The following LPIN1 variants were observed in gnomAD, a reference collection of about 807,000 sequenced individuals.
LPIN1 encodes phosphatidate phosphatase LPIN1.
LPIN1 carries 71 observed loss-of-function variants against 107.5 expected under a neutral mutation model. That is an observed-to-expected ratio of 0.66 (90% CI 0.55 to 0.80). The LOEUF is 0.80. Ranked by LOEUF, LPIN1 falls within the 30% of genes least tolerant of loss-of-function variation. The pLI, the probability that LPIN1 is intolerant of heterozygous loss-of-function variation, is 0.00. For synonymous variants in LPIN1, 445 were observed against 452.6 expected, an observed-to-expected ratio of 0.98 and a Z score of 0.21; for missense variants, 1,043 against 1,160.6, an observed-to-expected ratio of 0.90 and a Z score of 1.47.
intron 1 of LPIN1, among the ~76,000 whole-genome samples, chr2:11,709,406 C>T (rs1179106849): frequency 1.3e-5 from 2 of 152,196 alleles, no homozygotes; most frequent in African/African-American, 4.8e-5. Flanking sequence ...CGATGCCTTG[C>T]AACAAGTTAG....
intron 17 of LPIN1, among the ~76,000 whole-genome samples, chr2:11,810,775 C>T (rs762875638): frequency 2.0e-5 from 3 of 152,224 alleles, no homozygotes; most frequent in Non-Finnish European, 4.4e-5. Flanking sequence ...CCCCAACAGA[C>T]ACTCCTCCAA....
At position 11,733,499 on chromosome 2, in the gene LPIN1, C is replaced by CT. The variant is rs111274553; in HGVS notation, c.-71-7836dup. ...GTGTTTTCTTTCTCTCTCTCTCTCT[C>CT]TTTTTTTTTTTTTTGACAAAGTCTT... On this transcript the variant is annotated intron_variant, in intron 1 of 21. Coordinates refer to the LPIN1 transcript ENST00000396097. Among the ~76,000 whole-genome samples the CT allele has an allele frequency of 2.4e-3, 343 of 143,356 alleles. 2 individuals carry two copies. Among genetic ancestry groups the CT allele is most frequent in the South Asian group, 6.8e-3 (31 of 4,552 alleles). The allele number at this position is 143,356 out of a possible 152,430, so 94.0% of individuals were successfully genotyped here.
At chr2:11,734,205 C>G (rs1215264953) in intron 1 of LPIN1, among the ~76,000 whole-genome samples, 113 of 152,242 alleles carry the variant, frequency 7.4e-4, no homozygotes, top group African/African-American at 2.6e-3. Flanking sequence ...AACTTTTCTT[C>G]TGTCCTCACT....
chr2:11,771,815 A>T lies in LPIN1; in HGVS notation c.596+136A>T. ...ACCAGTGGTCCCCAACCTTTTTGGC[A>T]CTAGGGACCAGTTTTGTGGAAGACA... On this transcript the variant is annotated intron_variant, in intron 4 of 20. Transcript: ENST00000674199. This position sits in a 1 kb window ranked among gnomAD's most constrained non-coding sequence, Gnocchi z 4.8. The T allele has an allele frequency of 1.1e-6, 1 of 883,942 alleles. No homozygotes were observed. Among genetic ancestry groups the T allele is most frequent in the Non-Finnish European group, 1.7e-6 (1 of 578,062 alleles). 54.8% of individuals were successfully genotyped at this position (883,942 alleles called of 1,614,324 possible). A position where few individuals can be genotyped will look rare whatever the true frequency, so the allele number is the denominator to read the frequency against.
chr2:11,764,157 T>G (rs1426021646), intron 1 of LPIN1: 2 of 147,486 alleles, frequency 1.4e-5, no homozygotes, highest in Non-Finnish European at 3.0e-5. Context: ...TGACATGCAT[T>G]TATATATGTC....
chr2:11,779,493 A>G, intron 6 of LPIN1, 26 bp from the exon 7 acceptor site: 1 of 1,611,846 alleles, frequency 6.2e-7, no homozygotes, highest in Admixed American at 1.7e-5. Context: ...TTCCCACCTT[A>G]ATTTTCGCTT....
intron 1 of LPIN1, among the ~76,000 whole-genome samples, chr2:11,738,423 C>G (rs73183109): frequency 0.036 from 5,380 of 151,178 alleles, 323 homozygotes; most frequent in African/African-American, 0.12. Flanking sequence ...GGGAGGGTGT[C>G]AGTCTCCCCT....
At chr2:11,745,597 C>A (rs1403097592), upstream of LPIN1, among the ~76,000 whole-genome samples, 1 of 152,194 alleles carries the variant, frequency 6.6e-6, no homozygotes, top group Non-Finnish European at 1.5e-5. Flanking sequence ...GTGGTCCCAG[C>A]TACTTGAGAG....
chr2:11,749,144 G>A (rs1667411206), intron 1 of LPIN1, among the ~76,000 whole-genome samples: 1 of 152,216 alleles, frequency 6.6e-6, no homozygotes, highest in South Asian at 2.1e-4. Flanking sequence ...GGAAAAAAGA[G>A]TTGGGACAAA....
chr2:11,732,346 A>C (rs1665319732), intron 1 of LPIN1, among the ~76,000 whole-genome samples: 1 of 152,230 alleles, frequency 6.6e-6, no homozygotes, highest in African/African-American at 2.4e-5. Context: ...ATCCAAGTTC[A>C]TGCTTCTGCT....
At position 11,826,708 on chromosome 2, in the gene LPIN1, CT is replaced by C. The variant is rs879107530; in HGVS notation, c.*1920del. ...GTTTCTCCTTTGCACCCAGGAGGAA[CT>C]TTGGCTGCGAGAATGGGGGGATGTA... On this transcript the variant is annotated 3_prime_UTR_variant, in exon 21 of 21. Coordinates refer to ENST00000674199, the MANE Select transcript of LPIN1 (RefSeq NM_001349206.2). 2.0e-5 allele frequency: 3 copies of C among 152,252 alleles called. No individual in the cohort carries two copies. In the South Asian group the frequency reaches 6.2e-4, roughly 32 times the overall value. The allele number at this position is 152,252 out of a possible 1,614,324, so 9.4% of individuals were successfully genotyped here. A position where few individuals can be genotyped will look rare whatever the true frequency, so the allele number is the denominator to read the frequency against.
In LPIN1 at chr2:11,746,633, T is replaced by C. The variant is rs1400621800; in HGVS notation, c.-48T>C. 2.0e-6 allele frequency: 2 copies of C among 985,284 alleles called. No individual in the cohort carries two copies. The highest frequency in any genetic ancestry group is 1.7e-5 in the African/African-American group (1 of 57,306). 61.0% of individuals were successfully genotyped at this position (985,284 alleles called of 1,614,324 possible). On this transcript the variant is annotated 5_prime_UTR_variant, in exon 1 of 21. Coordinates refer to ENST00000674199, the MANE Select transcript of LPIN1 (RefSeq NM_001349206.2). ...CGCTGACAGCCGGCGGCGGGCTGGG[T>C]GTTTGCAATACAAAGGCGGCCACGC...
intron 7 of LPIN1, among the ~76,000 whole-genome samples, chr2:11,780,468 A>G (rs1333464531): frequency 6.6e-6 from 1 of 152,214 alleles, no homozygotes; most frequent in African/African-American, 2.4e-5. Context: ...CAGAAATGAA[A>G]GATTTCAGCC....
intron 1 of LPIN1, among the ~76,000 whole-genome samples, chr2:11,747,331 T>G (rs1022098432): frequency 1.3e-5 from 2 of 152,212 alleles, no homozygotes; most frequent in Non-Finnish European, 2.9e-5. Context: ...TGCACGTAAT[T>G]TTATTATGGG....
chr2:11,757,016 T>C (rs2148593366), intron 1 of LPIN1, among the ~76,000 whole-genome samples: 1 of 152,356 alleles, frequency 6.6e-6, no homozygotes, highest in East Asian at 1.9e-4. Context: ...CCAAAGGATA[T>C]TTGTAAGATT....
intron 1 of LPIN1, among the ~76,000 whole-genome samples, chr2:11,736,286 A>C (rs1320482381): frequency 6.6e-6 from 1 of 152,136 alleles, no homozygotes; most frequent in Non-Finnish European, 1.5e-5. Context: ...AAAGACAGAA[A>C]TTTCTATCTC....
At chr2:11,751,640 CAGGAGATCAAG>C (rs954111680) in intron 1 of LPIN1, among the ~76,000 whole-genome samples, 1 of 152,168 alleles carries the variant, frequency 6.6e-6, no homozygotes, top group African/African-American at 2.4e-5. Context: ...ATTACGAGGT[CAGGAGATCAAG>C]ACCATCCTGG....
At chr2:11,755,427 C>G (rs1432766965) in intron 1 of LPIN1, among the ~76,000 whole-genome samples, 1 of 152,158 alleles carries the variant, frequency 6.6e-6, no homozygotes, top group East Asian at 1.9e-4. Context: ...TGCGATGGGG[C>G]AGGTACCGCG....
At position 11,715,653 on chromosome 2, in the gene LPIN1, G is replaced by C. The variant is rs534696028; in HGVS notation, c.138+1841G>C. On this transcript the variant is annotated intron_variant, in intron 2 of 21. Transcript: ENST00000449576. Reference sequence around the variant, plus strand: ...AGGGCTTGTATCAGCTTGTGTGGGTGGGGGGTTCAGAAGCAATTTCAGAAA... The same window carrying C: ...AGGGCTTGTATCAGCTTGTGTGGGTCGGGGGTTCAGAAGCAATTTCAGAAA... Among the ~76,000 whole-genome samples the C allele has an allele frequency of 2.0e-5, 3 of 152,274 alleles. No individual in the cohort carries two copies. In the East Asian group the frequency reaches 5.8e-4, roughly 29 times the overall value.
Sources: allele counts gnomAD v4.1 joint callset (sites outside exome capture counted in the v4.1 genomes callset), GRCh38; gene constraint gnomAD v4.1.1; non-coding constraint Gnocchi (gnomAD v3.1); transcripts MANE v1.5; gene names NCBI Gene and HGNC (gene_info 2026-07-23, HGNC 2026-07-21).